Variants in DOK6 observed in about 807,000 individuals in gnomAD.
DOK6 encodes the protein downstream of tyrosine kinase 6.
A neutral mutation model predicts 44.0 loss-of-function variants in DOK6; 22 were observed. That is an observed-to-expected ratio of 0.50 (90% CI 0.36 to 0.71). The LOEUF (loss-of-function observed/expected upper bound fraction) is 0.71. Ranked by LOEUF, DOK6 falls within the 30% of genes least tolerant of loss-of-function variation. The pLI, the probability that DOK6 is intolerant of heterozygous loss-of-function variation, is 0.00. For synonymous variants in DOK6, 166 were observed against 145.5 expected (o/e 1.14, Z -1.01); for missense variants, 340 against 416.4 (o/e 0.82, Z 1.60).
chr18:69,505,187 A>C (rs2144551347), intron 1 of DOK6, among the ~76,000 whole-genome samples: 1 of 152,322 alleles, frequency 6.6e-6, no homozygotes, highest in African/African-American at 2.4e-5. Flanking sequence ...TCCTTTTGTC[A>C]GGTAAGAACT....
intron 1 of DOK6, among the ~76,000 whole-genome samples, chr18:69,560,438 T>C (rs1030077992): frequency 1.3e-5 from 2 of 152,102 alleles, no homozygotes; most frequent in South Asian, 2.1e-4. Flanking sequence ...TATTAGTGAA[T>C]GTCAATATAA....
chr18:69,409,853 C>T (rs945610033), intron 1 of DOK6, among the ~76,000 whole-genome samples: 1 of 152,122 alleles, frequency 6.6e-6, no homozygotes, highest in African/African-American at 2.4e-5. Context: ...CATATGTCTC[C>T]TTGCTTTGAA....
chr18:69,617,490 A>G (rs909996149), intron 3 of DOK6, among the ~76,000 whole-genome samples: 3 of 144,568 alleles, frequency 2.1e-5, no homozygotes, highest in African/African-American at 5.1e-5. Context: ...AGGAGAAAAG[A>G]AGAAAGAAAG....
chr18:69,465,501 C>A (rs1216834789), intron 1 of DOK6, among the ~76,000 whole-genome samples: 2 of 151,870 alleles, frequency 1.3e-5, no homozygotes, highest in Non-Finnish European at 2.9e-5. Flanking sequence ...GTTCCCCTTC[C>A]TGTGTCCATG....
intron 4 of DOK6, among the ~76,000 whole-genome samples, chr18:69,691,322 CAT>C (rs1192954797): frequency 6.6e-6 from 1 of 152,002 alleles, no homozygotes; most frequent in African/African-American, 2.4e-5. Flanking sequence ...TTAAGAGAGA[CAT>C]AAAGATAATT....
At chr18:69,717,982 T>C (rs1220574919) in intron 5 of DOK6, among the ~76,000 whole-genome samples, 1 of 152,218 alleles carries the variant, frequency 6.6e-6, no homozygotes, top group Non-Finnish European at 1.5e-5. Flanking sequence ...GTAATGTGTT[T>C]TCTAAGTATG....
chr18:69,666,852 T>TA (rs1469595600), intron 3 of DOK6, among the ~76,000 whole-genome samples: 3 of 152,168 alleles, frequency 2.0e-5, no homozygotes, highest in African/African-American at 7.2e-5. Flanking sequence ...ACAAGCTGTG[T>TA]ACTCAGCATG....
At chr18:69,473,598 T>G (rs966178730) in intron 1 of DOK6, among the ~76,000 whole-genome samples, 1 of 152,222 alleles carries the variant, frequency 6.6e-6, no homozygotes, top group African/African-American at 2.4e-5. Context: ...GTCTATGCTC[T>G]GGGGACAACT....
intron 5 of DOK6, among the ~76,000 whole-genome samples, chr18:69,735,919 C>A (rs1441554185): frequency 6.6e-6 from 1 of 152,178 alleles, no homozygotes; most frequent in Non-Finnish European, 1.5e-5. Context: ...CCCCTTCCTG[C>A]CCACTATCAC....
chr18:69,767,684 C>T (rs1020483195), intron 7 of DOK6, among the ~76,000 whole-genome samples: 1 of 152,154 alleles, frequency 6.6e-6, no homozygotes, highest in Non-Finnish European at 1.5e-5. Flanking sequence ...GAGGCCCCAG[C>T]CTCTTTCCTA....
intron 7 of DOK6, among the ~76,000 whole-genome samples, chr18:69,830,039 T>G (rs1981857575): frequency 1.3e-5 from 2 of 152,242 alleles, no homozygotes; most frequent in Non-Finnish European, 2.9e-5. Flanking sequence ...TCATTGTATG[T>G]AATTTTAAGC....
intron 1 of DOK6, among the ~76,000 whole-genome samples, chr18:69,487,390 C>G (rs1274432024): frequency 2.6e-5 from 4 of 152,056 alleles, no homozygotes; most frequent in African/African-American, 9.7e-5. Context: ...GAGGAGGTCA[C>G]TAAGATCACA....
At chr18:69,538,979 G>A (rs2080454590) in intron 1 of DOK6, among the ~76,000 whole-genome samples, 1 of 152,152 alleles carries the variant, frequency 6.6e-6, no homozygotes, top group Non-Finnish European at 1.5e-5. Context: ...ACACAGAGCA[G>A]ATGTGAGAAT....
At chr18:69,465,561 T>C (rs898122831) in intron 1 of DOK6, among the ~76,000 whole-genome samples, 1 of 151,992 alleles carries the variant, frequency 6.6e-6, no homozygotes, top group Non-Finnish European at 1.5e-5. Flanking sequence ...GCAGTGTTTG[T>C]TTTTTTGTTC....
At chr18:69,780,412 T>C (rs1980227506) in intron 7 of DOK6, among the ~76,000 whole-genome samples, 1 of 152,168 alleles carries the variant, frequency 6.6e-6, no homozygotes, top group African/African-American at 2.4e-5. Context: ...GCCAACATGG[T>C]GAAACCCTGT....
intron 3 of DOK6, among the ~76,000 whole-genome samples, chr18:69,645,798 G>A (rs999485122): frequency 1.3e-4 from 20 of 152,106 alleles, no homozygotes; most frequent in African/African-American, 3.1e-4. Context: ...CAGAAGGTGC[G>A]TAAACTTCTC....
Position 69,562,181 on chromosome 18 carries a change from T to C in DOK6, c.67-2306T>C, listed in dbSNP as rs947197997. 9.8e-5 allele frequency among the ~76,000 whole-genome samples: 15 copies of C among 152,314 alleles called. No homozygotes were observed. In the East Asian group the frequency reaches 2.7e-3, roughly 27 times the overall value. ...TGAGGGAGTGTGATATGGTGGAAAG[T>C]AGATAATGAACAATTTACAGGTCTA... On this transcript the variant is annotated intron_variant, in intron 1 of 7. Transcript: ENST00000382713.
chr18:69,620,414 G>T (rs987610900), intron 3 of DOK6, among the ~76,000 whole-genome samples: 1 of 152,066 alleles, frequency 6.6e-6, no homozygotes, highest in South Asian at 2.1e-4. Context: ...CTCAAAGCTT[G>T]CATCCATCAG....
chr18:69,656,654 A>G (rs1029433284), intron 3 of DOK6, among the ~76,000 whole-genome samples: 2 of 152,252 alleles, frequency 1.3e-5, no homozygotes, highest in African/African-American at 4.8e-5. Context: ...GAATTTAAAA[A>G]CAACAGACTT....
Sources: allele counts gnomAD v4.1 joint callset (sites outside exome capture counted in the v4.1 genomes callset), GRCh38; gene constraint gnomAD v4.1.1; transcripts MANE v1.5; gene names NCBI Gene and HGNC (gene_info 2026-07-23, HGNC 2026-07-21).